Variants in PA2G4 observed in about 807,000 individuals in gnomAD.
The protein encoded by PA2G4 is proliferation-associated protein 2G4.
PA2G4 carries 8 observed loss-of-function variants against 53.3 expected under a neutral mutation model. That is an observed-to-expected ratio of 0.15 (90% confidence interval 0.09 to 0.27). The LOEUF (loss-of-function observed/expected upper bound fraction) is 0.27. Ranked by LOEUF, PA2G4 falls within the 10% of genes least tolerant of loss-of-function variation. The pLI, the probability that PA2G4 is intolerant of heterozygous loss-of-function variation, is 1.00. For synonymous variants in PA2G4, 143 were observed against 169.8 expected, an observed-to-expected ratio of 0.84 and a Z score of 1.23; for missense variants, 208 against 486.8, an observed-to-expected ratio of 0.43 and a Z score of 5.39.
chr12:56,105,396 C>A (rs574483371), intron 1 of PA2G4, among the ~76,000 whole-genome samples: 1 of 152,210 alleles, frequency 6.6e-6, no homozygotes, highest in Non-Finnish European at 1.5e-5. Flanking sequence ...CAGCTCTTAC[C>A]CTGGTGGGGG....
chr12:56,110,355 G>T, intron 7 of PA2G4, 44 bp from the exon 8 acceptor site: 3 of 1,170,620 alleles, frequency 2.6e-6, no homozygotes, highest in Non-Finnish European at 3.8e-6. Context: ...ATGAGACTCT[G>T]TGTCAAAAAA....
At position 56,110,950 on chromosome 12, in the gene PA2G4, A is replaced by G. The variant is rs1375955261; in HGVS notation, c.843-14A>G. On this transcript the variant is annotated splice_polypyrimidine_tract_variant and intron_variant, in intron 9 of 12. Transcript: ENST00000303305. ...GGAGTTAAAGATACCTCTGAATATC[A>G]TCTTCCCTGCCAGAGCATTTGAAGA... The G allele has an allele frequency of 2.5e-6, 4 of 1,610,790 alleles. No homozygotes were observed. In the Admixed American group the frequency reaches 5.0e-5, roughly 20 times the overall value.
intron 12 of PA2G4, 43 bp downstream of exon 12, chr12:56,111,572 A>C (rs567769547): frequency 2.6e-6 from 4 of 1,544,454 alleles, no homozygotes; most frequent in East Asian, 4.5e-5. Context: ...GGTGAACCTG[A>C]TCCCTCTTTC....
At chr12:56,106,517 C>T in intron 1 of PA2G4, 71 bp from the exon 2 acceptor site, 1 of 1,427,068 alleles carries the variant, frequency 7.0e-7, no homozygotes, top group Non-Finnish European at 9.2e-7. Flanking sequence ...AATTCAACTT[C>T]CAGGTATTCC....
In PA2G4 at chr12:56,109,271, A is replaced by C; in HGVS notation, c.528A>C (p.Ser176=). ...AAGCCTGGAACAAAGTTGCCCACTC[A>C]TTTAACTGCACGCCAATAGAAGGTG... is the stretch of plus-strand genomic sequence containing the variant. The part of the protein sequence containing the change: ...VTEAWNKVAH[S]FNCTPIEGML... Residue 176 remains serine, a synonymous_variant, in exon 6 of 13, where the codon TCA becomes TCC. Transcript: ENST00000303305. The C allele has an allele frequency of 6.2e-7, 1 of 1,611,740 alleles. No homozygotes were observed.
Position 56,108,390 on chromosome 12 carries a change from A to G in PA2G4, c.486+777A>G, listed in dbSNP as rs568666111. Among the ~76,000 whole-genome samples the G allele has an allele frequency of 1.1e-4, 16 of 152,342 alleles. No homozygotes were observed. In the South Asian group the frequency reaches 3.3e-3, roughly 32 times the overall value. The stretch of plus-strand genomic sequence containing the variant: ...CATGCAAAATTTATTGAGTTAGACC[A>G]TCTTTGTGAAAGCACTGGGTAAAAT... On this transcript the variant is annotated intron_variant, in intron 5 of 12. Coordinates refer to ENST00000303305, the MANE Select transcript of PA2G4 (RefSeq NM_006191.3).
At chr12:56,104,953 C>A in intron 1 of PA2G4, 128 bp downstream of exon 1, 1 of 892,970 alleles carries the variant, frequency 1.1e-6, no homozygotes, top group Non-Finnish European at 1.9e-6. Context: ...GTCCGCTGGG[C>A]ACGGCGTGGT....
chr12:56,111,417 T>G, intron 11 of PA2G4, 59 bp from the exon 12 acceptor site: 1 of 1,606,914 alleles, frequency 6.2e-7, no homozygotes, highest in South Asian at 1.1e-5. Flanking sequence ...AAAGTAACCC[T>G]TTATTTTTAA....
At chr12:56,106,463 C>G in intron 1 of PA2G4, 125 bp from the exon 2 acceptor site, 1 of 1,071,056 alleles carries the variant, frequency 9.3e-7, no homozygotes, top group South Asian at 2.1e-5. Flanking sequence ...GTTGACCTTT[C>G]AGCCTCAGGG....
Position 56,104,707 on chromosome 12 carries a change from G to A in PA2G4, c.-31G>A. 4.4e-6 allele frequency: 7 copies of A among 1,598,700 alleles called. No homozygotes were observed. Among genetic ancestry groups the A allele is most frequent in the Non-Finnish European group, 6.0e-6 (7 of 1,166,160 alleles). ...AGACAGAGGCGGCGGCGGCTCAGGG[G>A]AAACGAGGCTGCAGTGGTGGTAGTA... On this transcript the variant is annotated 5_prime_UTR_variant, in exon 1 of 13. Transcript: ENST00000303305.
chr12:56,113,728 A>G lies in PA2G4; in HGVS notation c.*840A>G. 3 of 657,752 alleles carry G rather than the reference A, an allele frequency of 4.6e-6. No homozygotes were observed. The highest frequency in any genetic ancestry group is 2.3e-5 in the Admixed American group (1 of 43,172). The allele number at this position is 657,752 out of a possible 1,614,324, so 40.7% of individuals were successfully genotyped here. ...GAGGCGTAGACTGACTGAAGACACA[A>G]CTCCTGGCTTTCTGAAGCTATGGAC... On this transcript the variant is annotated 3_prime_UTR_variant, in exon 13 of 13. Coordinates refer to ENST00000303305, the MANE Select transcript of PA2G4 (RefSeq NM_006191.3).
chr12:56,111,328 G>T lies in PA2G4; in HGVS notation c.1065+19G>T. The stretch of plus-strand genomic sequence containing the variant: ...GCTAAAGGTTAGTATGGAATAGAAG[G>T]TGGTGAGTATGTACATGGTATCCTG... On this transcript the variant is annotated intron_variant, in intron 11 of 12. Coordinates refer to ENST00000303305, the MANE Select transcript of PA2G4 (RefSeq NM_006191.3). 2 of 1,614,110 alleles carry T rather than the reference G, an allele frequency of 1.2e-6. No individual in the cohort carries two copies. Among genetic ancestry groups the T allele is most frequent in the Non-Finnish European group, 1.7e-6 (2 of 1,179,980 alleles).
Position 56,104,791 on chromosome 12 carries a change from G to T in PA2G4, c.54G>T (p.Val18=). The part of the protein sequence containing the change: ...QEQTIAEDLV[V]TKYKMGGDIA... ...AAACTATCGCTGAGGACCTGGTCGTGACCAAGTATAAGATGGGGGGCGACA... is the reference window on the plus strand; with the variant it reads ...AAACTATCGCTGAGGACCTGGTCGTTACCAAGTATAAGATGGGGGGCGACA... Residue 18 remains valine (V), a synonymous_variant, in exon 1 of 13, where the codon GTG becomes GTT. Coordinates refer to ENST00000303305, the MANE Select transcript of PA2G4 (RefSeq NM_006191.3). The T allele has an allele frequency of 6.2e-7, 1 of 1,614,034 alleles. No homozygotes were observed. Among genetic ancestry groups the T allele is most frequent in the Non-Finnish European group, 8.5e-7 (1 of 1,179,990 alleles).
intron 5 of PA2G4, among the ~76,000 whole-genome samples, chr12:56,108,694 C>T (rs1311897548): frequency 6.6e-6 from 1 of 152,166 alleles, no homozygotes; most frequent in Non-Finnish European, 1.5e-5. Context: ...ATATTTTCAA[C>T]TTATGAGTTT....
intron 12 of PA2G4, among the ~76,000 whole-genome samples, chr12:56,112,205 A>T (rs144760226): frequency 1.3e-5 from 2 of 152,220 alleles, no homozygotes; most frequent in East Asian, 3.9e-4. Context: ...CCTGGGTTCA[A>T]GTGATTGTCC....
chr12:56,106,879 C>T, intron 2 of PA2G4, 111 bp from the exon 3 acceptor site: 1 of 1,276,750 alleles, frequency 7.8e-7, no homozygotes, highest in Non-Finnish European at 1.1e-6. Context: ...CTACCTAATC[C>T]AAACTGATGA....
Position 56,113,781 on chromosome 12 carries a change from A to G in PA2G4, c.*893A>G, listed in dbSNP as rs1036697473. On this transcript the variant is annotated 3_prime_UTR_variant, in exon 13 of 13. Coordinates refer to ENST00000303305, the MANE Select transcript of PA2G4 (RefSeq NM_006191.3). The stretch of plus-strand genomic sequence containing the variant: ...GGATTGGATTGCTGGGGGTTTGTAG[A>G]GAAAGGTGACAAATTTCAGTACCTC... 4.3e-6 allele frequency: 3 copies of G among 697,386 alleles called. No individual in the cohort carries two copies. Among genetic ancestry groups the G allele is most frequent in the Non-Finnish European group, 7.8e-6 (3 of 383,044 alleles). The allele number at this position is 697,386 out of a possible 1,614,324, so 43.2% of individuals were successfully genotyped here. A position where few individuals can be genotyped will look rare whatever the true frequency, so the allele number is the denominator to read the frequency against.
rs1307894848 is a variant in PA2G4, at chr12:56,113,909, G to T, written c.*1021G>T. 1.4e-6 allele frequency: 1 copy of T among 702,074 alleles called. No homozygotes were observed. The highest frequency in any genetic ancestry group is 2.6e-6 in the Non-Finnish European group (1 of 384,708). The allele number at this position is 702,074 out of a possible 1,614,324, so 43.5% of individuals were successfully genotyped here. On this transcript the variant is annotated 3_prime_UTR_variant, in exon 13 of 13. Transcript: ENST00000303305. ...AAATAAATTTGGATTTGCTCATAAT[G>T]ATGTGCTTTGTATGCTGCTCTTGTT...
intron 5 of PA2G4, 149 bp downstream of exon 5, chr12:56,107,762 C>T (rs755744444): frequency 1.0e-5 from 6 of 594,794 alleles, no homozygotes; most frequent in Non-Finnish European, 1.8e-5. Context: ...GGCACAGTGA[C>T]TCACATCTGT....
Sources: gnomAD v4.1 joint callset for allele counts (sites outside exome capture counted in the v4.1 genomes callset) on GRCh38, gnomAD v4.1.1 for gene constraint, MANE v1.5 for transcripts, NCBI Gene and HGNC (gene_info 2026-07-23, HGNC 2026-07-21) for gene names.